PRRC2A: variants seen among roughly 807,000 people sequenced by gnomAD.
PRRC2A encodes protein PRRC2A.
Under a neutral mutation model 224.6 loss-of-function variants are expected in PRRC2A, and 59 were observed. That is an observed-to-expected ratio of 0.26 (90% CI 0.21 to 0.33). The LOEUF is 0.33. Among genes scored for constraint, PRRC2A ranks in the 10% least tolerant of loss-of-function variants. The pLI is 1.00. For missense variants in PRRC2A, 3,095 were observed against 2,880.7 expected, an observed-to-expected ratio of 1.07 and a Z score of -1.70; for synonymous variants, 1,194 against 1,109.5, an observed-to-expected ratio of 1.08 and a Z score of -1.51.
Position 31,636,399 on chromosome 6 carries a change from C to T in PRRC2A, c.5815C>T (p.Pro1939Ser), listed in dbSNP as rs1298923976. 6.2e-7 allele frequency: 1 copy of T among 1,612,908 alleles called. No individual in the cohort carries two copies. Among genetic ancestry groups the T allele is most frequent in the Admixed American group, 1.7e-5 (1 of 60,024 alleles). ...TCCGGCTTTCTGCCCCAGTCCTTTGCCTGACACATCGTTGCTTCAGGTAAG... is the reference window on the plus strand; with the variant it reads ...TCCGGCTTTCTGCCCCAGTCCTTTGTCTGACACATCGTTGCTTCAGGTAAG... ...YSPAFCPSPL[P>S]DTSLLQVRQD... The change falls in exon 26 of 31, where the codon CCT becomes TCT. Residue 1939 changes from proline to serine, a missense_variant. Physicochemically the swap from Pro to Ser is moderately conservative, Grantham distance 74. Transcript: ENST00000376033. The surrounding 1 kb of genome is among the most constrained non-coding windows in gnomAD (Gnocchi z 4.3).
chr6:31,629,067 AG>A (rs1270976193), intron 12 of PRRC2A, 76 bp from the exon 13 acceptor site: 1 of 1,409,814 alleles, frequency 7.1e-7, no homozygotes. Flanking sequence ...GCTAGAGATG[AG>A]ACGTGAGATT....
rs1250846454 is a variant in PRRC2A, at chr6:31,628,021, C to T, written c.1547C>T (p.Ser516Phe). Residue 516 changes from serine (S) to phenylalanine (F), a missense_variant, in exon 12 of 31, where the codon TCT (serine) becomes TTT (phenylalanine). Ser to Phe is a radical substitution (Grantham distance 155, BLOSUM62 -2). Around this residue, in one of 8 missense-constraint regions of PRRC2A, gnomAD observed 2,001 missense variants for 1,764.9 expected, o/e 1.13. Transcript: ENST00000376033. ...CCTGCTGCCCCACCTGCTGCCCCTT[C>T]TACCCCAGCTCCACCACCTGCAGTC... Reference protein sequence around the residue: ...AEPAAPPAAPSTPAPPPAVPK... With the variant: ...AEPAAPPAAPFTPAPPPAVPK... 6.2e-7 allele frequency: 1 copy of T among 1,612,802 alleles called. No individual in the cohort carries two copies. Among genetic ancestry groups the T allele is most frequent in the African/African-American group, 1.3e-5 (1 of 75,056 alleles).
intron 1 of PRRC2A, 147 bp downstream of exon 1, chr6:31,621,005 C>A (rs1393098096): frequency 6.5e-6 from 1 of 154,212 alleles, no homozygotes; most frequent in East Asian, 1.9e-4. Context: ...TGCTGCCGGG[C>A]CTGCTTGCCC....
rs763246357 is a variant in PRRC2A, at chr6:31,637,080, A to G, written c.6186A>G (p.Gln2062=). 1.2e-6 allele frequency: 2 copies of G among 1,610,180 alleles called. No homozygotes were observed. Among genetic ancestry groups the G allele is most frequent in the Admixed American group, 1.7e-5 (1 of 59,592 alleles). ...AACTAAAGCCGTTCCAGGATTATCA[A>G]AAACTGAGCAGCAACCTTGGGGGAC... The part of the protein sequence containing the change: ...PVELKPFQDY[Q]KLSSNLGGPG... The change falls in exon 29 of 31, where the codon CAA becomes CAG. Residue 2062 remains glutamine (Q), a synonymous_variant. Coordinates refer to ENST00000376033, the MANE Select transcript of PRRC2A (RefSeq NM_004638.4).
In PRRC2A at chr6:31,628,202, C is replaced by G. The variant is rs1345013543; in HGVS notation, c.1728C>G (p.Thr576=). Residue 576 remains threonine (T), a synonymous_variant, in exon 12 of 31, where the codon ACC becomes ACG. Transcript: ENST00000376033. ...CTCTGGTGAGTGGTGGTGGCAGTACCAGTAGCACCAGCAGTGGCAGCTTCG... is the reference window on the plus strand; with the variant it reads ...CTCTGGTGAGTGGTGGTGGCAGTACGAGTAGCACCAGCAGTGGCAGCTTCG... The part of the protein sequence containing the change: ...APTLVSGGGS[T]SSTSSGSFEA... 1.2e-6 allele frequency: 2 copies of G among 1,612,564 alleles called. No homozygotes were observed.
At position 31,625,991 on chromosome 6, in the gene PRRC2A, C is replaced by T; in HGVS notation, c.840-29C>T. The T allele has an allele frequency of 6.2e-7, 1 of 1,609,278 alleles. No individual in the cohort carries two copies. The highest frequency in any genetic ancestry group is 8.5e-7 in the Non-Finnish European group (1 of 1,178,196). On this transcript the variant is annotated intron_variant, in intron 8 of 30. Coordinates refer to ENST00000376033, the MANE Select transcript of PRRC2A (RefSeq NM_004638.4). The surrounding 1 kb of genome is among the most constrained non-coding windows in gnomAD (Gnocchi z 4.1). ...GTCTCGCATGTGGTTATACAACATGCCATATTTCATTTTCTTTTTTGTGTA... is the reference window on the plus strand; with the variant it reads ...GTCTCGCATGTGGTTATACAACATGTCATATTTCATTTTCTTTTTTGTGTA...
intron 5 of PRRC2A, 129 bp downstream of exon 5, chr6:31,624,651 T>C (rs1775690051): frequency 9.8e-7 from 1 of 1,021,886 alleles, no homozygotes; most frequent in African/African-American, 1.6e-5. Context: ...TTCAGTTTCA[T>C]GGAGGCACAT....
chr6:31,629,487 C>T (rs2150511693), intron 13 of PRRC2A, 61 bp from the exon 14 acceptor site: 9 of 1,416,466 alleles, frequency 6.4e-6, no homozygotes, highest in Admixed American at 1.8e-5. Context: ...TTTTTCTTTG[C>T]TGATTCCTTT....
In PRRC2A at chr6:31,632,702, A is replaced by T. The variant is rs764536981; in HGVS notation, c.4029A>T (p.Pro1343=). Residue 1343 remains proline, a synonymous_variant, in exon 16 of 31, where the codon CCA becomes CCT. Transcript: ENST00000376033. ...ERRGDKEAPP[P]VLLTPKAVGT... Reference sequence around the variant, plus strand: ...GAGGGGACAAAGAGGCACCCCCACCAGTACTGCTGACACCCAAGGCTGTGG... The same window carrying T: ...GAGGGGACAAAGAGGCACCCCCACCTGTACTGCTGACACCCAAGGCTGTGG... 2 of 1,613,144 alleles carry T rather than the reference A, an allele frequency of 1.2e-6. No homozygotes were observed. Among genetic ancestry groups the T allele is most frequent in the Non-Finnish European group, 1.7e-6 (2 of 1,180,040 alleles).
Position 31,636,332 on chromosome 6 carries a change from G to A in PRRC2A, c.5748G>A (p.Pro1916=), listed in dbSNP as rs1046530014. 1.4e-5 allele frequency: 23 copies of A among 1,612,844 alleles called. No individual in the cohort carries two copies. The highest frequency in any genetic ancestry group is 6.7e-5 in the East Asian group (3 of 44,900). Residue 1916 remains proline, a synonymous_variant, in exon 26 of 31, where the codon CCG becomes CCA. Transcript: ENST00000376033. This position sits in a 1 kb window ranked among gnomAD's most constrained non-coding sequence, Gnocchi z 4.3. ...TMQATELGKL[P]AGGVLYPPPS... is the part of the protein sequence containing the mutation. ...AAGCTACAGAGCTGGGGAAGTTGCC[G>A]GCTGGAGGAGTTCTCTACCCTCCAC...
Position 31,626,059 on chromosome 6 carries a change from A to T in PRRC2A, c.879A>T (p.Pro293=). ...PRVAGPRGSG[P]PMRLVEPVGR... ...TGGCGGGCCCCCGAGGCTCAGGGCC[A>T]CCAATGCGCTTAGTAGAGCCTGTGG... Residue 293 remains proline (P), a synonymous_variant, in exon 9 of 31, where the codon CCA becomes CCT. Coordinates refer to ENST00000376033, the MANE Select transcript of PRRC2A (RefSeq NM_004638.4). 1 of 1,612,160 alleles carries T rather than the reference A, an allele frequency of 6.2e-7. No individual in the cohort carries two copies. The highest frequency in any genetic ancestry group is 8.5e-7 in the Non-Finnish European group (1 of 1,179,800).
Position 31,633,488 on chromosome 6 carries a change from C to G in PRRC2A, c.4429C>G (p.Gln1477Glu). The part of the protein sequence containing the change: ...QVIHSNPAGI[Q>E]QALAQLSSRQ... ...TATCCACAGCAACCCTGCTGGCATC[C>G]AACAGGCTCTGGCCCAGCTTAGTAG... Residue 1477 changes from glutamine (Q) to glutamate (E), a missense_variant, in exon 17 of 31, where the codon CAA becomes GAA. Physicochemically the swap from Gln to Glu is conservative, Grantham distance 29 (BLOSUM62 2). Coordinates refer to ENST00000376033, the MANE Select transcript of PRRC2A (RefSeq NM_004638.4). 6.2e-7 allele frequency: 1 copy of G among 1,613,112 alleles called. No homozygotes were observed. Among genetic ancestry groups the G allele is most frequent in the Non-Finnish European group, 8.5e-7 (1 of 1,180,036 alleles).
Position 31,636,221 on chromosome 6 carries a change from A to G in PRRC2A, c.5637A>G (p.Leu1879=), listed in dbSNP as rs1285058081. The change falls in exon 26 of 31, where the codon CTA becomes CTG. Residue 1879 remains leucine (L), a synonymous_variant. Transcript: ENST00000376033. The surrounding 1 kb of genome is among the most constrained non-coding windows in gnomAD (Gnocchi z 4.3). ...AATTTATTTTCAGATCACAGCCCCT[A>G]TACCTACCCCCCGGCCCAGCCCCTC... The part of the protein sequence containing the change: ...PSLHPYRSQP[L]YLPPGPAPPS... The G allele has an allele frequency of 3.1e-6, 5 of 1,612,584 alleles. No homozygotes were observed. Among genetic ancestry groups the G allele is most frequent in the Admixed American group, 3.3e-5 (2 of 60,000 alleles).
At position 31,624,322 on chromosome 6, in the gene PRRC2A, G is replaced by A; in HGVS notation, c.352G>A (p.Ala118Thr). The A allele has an allele frequency of 6.2e-7, 1 of 1,614,028 alleles. No individual in the cohort carries two copies. The highest frequency in any genetic ancestry group is 8.5e-7 in the Non-Finnish European group (1 of 1,180,000). ...GCCACTGCCGGCTTCACAGACGCCT[G>A]CCTCCAACCAGCCGAAACGACCCCC... ...SQPLPASQTPASNQPKRPPAA... is the reference protein window; with the variant it reads ...SQPLPASQTPTSNQPKRPPAA... The change falls in exon 4 of 31, where the codon GCC becomes ACC. Residue 118 changes from alanine (A) to threonine (T), a missense_variant. Ala to Thr is a moderately conservative substitution (Grantham distance 58). Around this residue, in one of 8 missense-constraint regions of PRRC2A, gnomAD observed 52 missense variants for 77.9 expected, o/e 0.67. Coordinates refer to ENST00000376033, the MANE Select transcript of PRRC2A (RefSeq NM_004638.4).
Position 31,632,852 on chromosome 6 carries a change from A to G in PRRC2A, c.4179A>G (p.Glu1393=). 6.2e-7 allele frequency: 1 copy of G among 1,613,122 alleles called. No individual in the cohort carries two copies. Among genetic ancestry groups the G allele is most frequent in the Non-Finnish European group, 8.5e-7 (1 of 1,180,000 alleles). ...RSFSSQRPGM[E]RQNRRPGPGG... is the part of the protein sequence containing the mutation. Reference sequence around the variant, plus strand: ...TCTCAAGTCAGCGGCCAGGCATGGAACGGCAGAATCGGCGCCCTGGCCCAG... The same window carrying G: ...TCTCAAGTCAGCGGCCAGGCATGGAGCGGCAGAATCGGCGCCCTGGCCCAG... Residue 1393 remains glutamate (E), a synonymous_variant, in exon 16 of 31, where the codon GAA becomes GAG. Coordinates refer to ENST00000376033, the MANE Select transcript of PRRC2A (RefSeq NM_004638.4).
chr6:31,633,070 G>C, intron 16 of PRRC2A, 78 bp downstream of exon 16: 10 of 1,433,570 alleles, frequency 7.0e-6, no homozygotes, highest in Non-Finnish European at 8.2e-6. Context: ...GATAAGTTTG[G>C]GTGGAGTGGA....
Position 31,631,935 on chromosome 6 carries a change from C to A in PRRC2A, c.3262C>A (p.Arg1088=). ...CCGAGGCCGCACTGCCAGCGAGACA[C>A]GGAGCGAGGGTTCAGAGTATGAGGA... ...APRGRTASET[R]SEGSEYEEIP... The change falls in exon 16 of 31, where the codon CGG becomes AGG. Residue 1088 remains arginine (R), a synonymous_variant. Coordinates refer to ENST00000376033, the MANE Select transcript of PRRC2A (RefSeq NM_004638.4). The surrounding 1 kb of genome is among the most constrained non-coding windows in gnomAD (Gnocchi z 4.5). 1 of 1,612,870 alleles carries A rather than the reference C, an allele frequency of 6.2e-7. No individual in the cohort carries two copies. The highest frequency in any genetic ancestry group is 8.5e-7 in the Non-Finnish European group (1 of 1,179,952).
Position 31,633,364 on chromosome 6 carries a change from C to G in PRRC2A, c.4320-15C>G, listed in dbSNP as rs752079802. ...GATTTAGTGGATACTGGAGCTAATGCTCTGTTTTCTCCAGTCGTCCTCCAG... is the reference window on the plus strand; with the variant it reads ...GATTTAGTGGATACTGGAGCTAATGGTCTGTTTTCTCCAGTCGTCCTCCAG... On this transcript the variant is annotated splice_polypyrimidine_tract_variant and intron_variant, in intron 16 of 30. Transcript: ENST00000376033. 6.2e-7 allele frequency: 1 copy of G among 1,608,182 alleles called. No homozygotes were observed. The highest frequency in any genetic ancestry group is 8.5e-7 in the Non-Finnish European group (1 of 1,176,854).
rs1355353376 is a variant in PRRC2A at position 31,632,884 on chromosome 6, A to G, written c.4211A>G (p.Lys1404Arg). 3 of 1,612,894 alleles carry G rather than the reference A, an allele frequency of 1.9e-6. No individual in the cohort carries two copies. Among genetic ancestry groups the G allele is most frequent in the African/African-American group, 1.3e-5 (1 of 74,916 alleles). Residue 1404 changes from lysine to arginine, a missense_variant, in exon 16 of 31, where the codon AAG becomes AGG. Lys to Arg is a conservative substitution (Grantham distance 26, BLOSUM62 2). Transcript: ENST00000376033. ...RQNRRPGPGG[K>R]AGSSGSSSGG... ...AATCGGCGCCCTGGCCCAGGGGGCA[A>G]GGCTGGCAGCAGTGGCAGCAGCAGT...
Sources: gnomAD v4.1 joint callset for allele counts on GRCh38, gnomAD v4.1.1 for gene constraint, gnomAD v4.1.1 regional missense constraint, Gnocchi (gnomAD v3.1) non-coding constraint, MANE v1.5 for transcripts, NCBI Gene and HGNC (gene_info 2026-07-23, HGNC 2026-07-21) for gene names.